Variants in FSTL5 observed in about 807,000 individuals in gnomAD.
FSTL5 encodes follistatin like 5, also known as follistatin-related protein 5.
Under a neutral mutation model 89.1 loss-of-function variants are expected in FSTL5, and 62 were observed. That is an observed-to-expected ratio of 0.70 (90% CI 0.57 to 0.86). FSTL5 has a LOEUF of 0.86. Ranked by LOEUF, FSTL5 falls within the 40% of genes least tolerant of loss-of-function variation. The pLI is 0.00. For missense variants in FSTL5, 1,057 were observed against 1,001.6 expected, an observed-to-expected ratio of 1.06 and a Z score of -0.75; for synonymous variants, 383 against 346.2, an observed-to-expected ratio of 1.11 and a Z score of -1.18.
intron 8 of FSTL5, among the ~76,000 whole-genome samples, chr4:161,566,672 T>C (rs765919424): frequency 2.0e-5 from 3 of 152,072 alleles, no homozygotes; most frequent in East Asian, 1.9e-4. Flanking sequence ...TGGTATCTCA[T>C]TGTGGTTTTG....
chr4:161,432,922 A>G (rs1029034812), intron 15 of FSTL5, among the ~76,000 whole-genome samples: 1 of 151,992 alleles, frequency 6.6e-6, no homozygotes, highest in African/African-American at 2.4e-5. Context: ...AAGCAATAAG[A>G]CCAAAGCTGT....
intron 4 of FSTL5, among the ~76,000 whole-genome samples, chr4:161,871,175 A>G (rs1732251086): frequency 1.3e-5 from 2 of 152,112 alleles, no homozygotes; most frequent in Non-Finnish European, 2.9e-5. Context: ...TATTTGTTTT[A>G]TAAAGAATTT....
chr4:162,161,044 G>A (rs1038375951), intron 1 of FSTL5, among the ~76,000 whole-genome samples: 51 of 151,778 alleles, frequency 3.4e-4, no homozygotes, highest in African/African-American at 1.2e-3. Context: ...AATTGAGCAC[G>A]TCATGTAATA....
At chr4:161,578,026 A>G (rs903605981) in intron 8 of FSTL5, among the ~76,000 whole-genome samples, 1 of 152,120 alleles carries the variant, frequency 6.6e-6, no homozygotes, top group African/African-American at 2.4e-5. Context: ...TGCCTAAACA[A>G]AACTCAATGC....
At chr4:161,556,856 A>ATATATATATATATATATATATATATG in intron 8 of FSTL5, among the ~76,000 whole-genome samples, 1 of 150,418 alleles carries the variant, frequency 6.6e-6, no homozygotes, top group Non-Finnish European at 1.5e-5. Context: ...GTATATATAT[A>ATATATATATATATATATATATATATG]TATATAATCC....
intron 3 of FSTL5, among the ~76,000 whole-genome samples, chr4:161,948,368 A>G (rs967123665): frequency 1.3e-5 from 2 of 151,532 alleles, no homozygotes; most frequent in Non-Finnish European, 2.9e-5. Context: ...TGTTATTTTA[A>G]TAATACTTAT....
intron 3 of FSTL5, among the ~76,000 whole-genome samples, chr4:161,987,549 GTATA>G (rs1560954487): frequency 1.4e-5 from 2 of 142,716 alleles, no homozygotes; most frequent in East Asian, 4.0e-4. Flanking sequence ...TATAATGAAA[GTATA>G]TATACTTTAT....
chr4:161,602,895 A>G (rs1734298128), intron 7 of FSTL5, among the ~76,000 whole-genome samples: 1 of 152,214 alleles, frequency 6.6e-6, no homozygotes, highest in Admixed American at 6.5e-5. Context: ...CTGCATTGTA[A>G]GAAATCCTAC....
intron 6 of FSTL5, among the ~76,000 whole-genome samples, chr4:161,708,468 A>G (rs1409072848): frequency 3.3e-5 from 5 of 152,084 alleles, no homozygotes; most frequent in Non-Finnish European, 7.4e-5. Flanking sequence ...AAAAACTTGA[A>G]CAAGTGTGAA....
intron 3 of FSTL5, among the ~76,000 whole-genome samples, chr4:161,951,070 G>A (rs370878783): frequency 2.0e-5 from 3 of 151,926 alleles, no homozygotes; most frequent in African/African-American, 4.8e-5. Flanking sequence ...TCATGACAGC[G>A]AATAAGTCTC....
At chr4:161,792,269 C>T (rs1239122505) in intron 4 of FSTL5, among the ~76,000 whole-genome samples, 1 of 152,140 alleles carries the variant, frequency 6.6e-6, no homozygotes, top group Non-Finnish European at 1.5e-5. Flanking sequence ...CTTTGGACAA[C>T]AACAAGCAGG....
Position 161,707,068 on chromosome 4 carries a change from T to A in FSTL5, c.728-50574A>T, listed in dbSNP as rs147924231. 6.4e-4 allele frequency among the ~76,000 whole-genome samples: 98 copies of A among 152,076 alleles called. 2 individuals are homozygous for A. The East Asian group carries it at 0.017, about 27-fold the overall frequency. On this transcript the variant is annotated intron_variant, in intron 6 of 15. Transcript: ENST00000306100. ...TTATTTTACTGTGTACCTGTTGTAA[T>A]GCACTTATTTCAGAAAAAAATCTAA...
chr4:161,608,389 T>C (rs184509703), intron 7 of FSTL5, among the ~76,000 whole-genome samples: 20 of 152,252 alleles, frequency 1.3e-4, no homozygotes, highest in Non-Finnish European at 2.5e-4. Flanking sequence ...GACTGGTAAA[T>C]TTAAGATGTT....
chr4:161,804,134 G>T (rs1729884687), intron 4 of FSTL5, among the ~76,000 whole-genome samples: 1 of 151,890 alleles, frequency 6.6e-6, no homozygotes, highest in South Asian at 2.1e-4. Flanking sequence ...AAATATTTGT[G>T]ACTTTCCCTT....
intron 4 of FSTL5, among the ~76,000 whole-genome samples, chr4:161,918,315 A>T (rs1733894685): frequency 6.6e-6 from 1 of 152,184 alleles, no homozygotes; most frequent in South Asian, 2.1e-4. Flanking sequence ...CACCAAGTTA[A>T]GTACATAAGC....
chr4:161,405,633 A>C (rs1436371594), intron 15 of FSTL5, among the ~76,000 whole-genome samples: 1 of 152,226 alleles, frequency 6.6e-6, no homozygotes, highest in African/African-American at 2.4e-5. Context: ...ATGTATTTGA[A>C]GAAATAATGG....
At chr4:161,733,396 C>T (rs568891639) in intron 6 of FSTL5, among the ~76,000 whole-genome samples, 24 of 151,696 alleles carry the variant, frequency 1.6e-4, no homozygotes, top group Non-Finnish European at 3.4e-4. Flanking sequence ...TTTTTCTTTT[C>T]TTTTGTAGAT....
chr4:162,065,295 C>A (rs967913095), intron 2 of FSTL5, among the ~76,000 whole-genome samples: 2 of 151,786 alleles, frequency 1.3e-5, no homozygotes, highest in African/African-American at 4.8e-5. Context: ...ATGTACAAAC[C>A]ATATATCTGA....
At chr4:161,739,312 C>T (rs187772789) in intron 6 of FSTL5, among the ~76,000 whole-genome samples, 1 of 152,180 alleles carries the variant, frequency 6.6e-6, no homozygotes, top group African/African-American at 2.4e-5. Context: ...AAGATGGCAA[C>T]CTACAAGCCA....
Sources: gnomAD v4.1 joint callset for allele counts (sites outside exome capture counted in the v4.1 genomes callset) on GRCh38, gnomAD v4.1.1 for gene constraint, MANE v1.5 for transcripts, NCBI Gene and HGNC (gene_info 2026-07-23, HGNC 2026-07-21) for gene names.